The following FRY variants were observed in gnomAD, a reference collection of about 807,000 sequenced individuals.
The protein encoded by FRY is protein furry homolog.
Under a neutral mutation model 348.4 loss-of-function variants are expected in FRY, and 128 were observed. The ratio of observed to expected loss-of-function variants is 0.37; its 90% confidence interval spans 0.32 to 0.43. The LOEUF is 0.43. Among genes scored for constraint, FRY ranks in the 20% least tolerant of loss-of-function variants. The probability of loss-of-function intolerance (pLI) is 1.00; values close to 1 mark genes in which losing one functional copy is unlikely to be tolerated. For missense variants in FRY, 2,736 were observed against 3,695.2 expected, an observed-to-expected ratio of 0.74 and a Z score of 6.73; for synonymous variants, 1,370 against 1,374.7, an observed-to-expected ratio of 1.00 and a Z score of 0.08.
chr13:32,264,865 A>T (rs1372703748), intron 53 of FRY, among the ~76,000 whole-genome samples: 1 of 152,124 alleles, frequency 6.6e-6, no homozygotes, highest in Non-Finnish European at 1.5e-5. Context: ...TCAGGGAAGG[A>T]CTCTGGATCA....
intron 17 of FRY, 86 bp from the exon 18 acceptor site, chr13:32,170,926 A>G (rs191715959): frequency 2.1e-4 from 209 of 991,398 alleles, no homozygotes; most frequent in Non-Finnish European, 8.4e-5. Flanking sequence ...TAGAAGAGAT[A>G]TACATTAATA....
chr13:32,209,034 G>T lies in FRY; in HGVS notation c.4200G>T (p.Gly1400=), dbSNP rs371617026. 1.2e-6 allele frequency: 2 copies of T among 1,614,154 alleles called. No homozygotes were observed. Among genetic ancestry groups the T allele is most frequent in the Admixed American group, 3.3e-5 (2 of 60,012 alleles). The change falls in exon 32 of 61, where the codon GGG becomes GGT. Residue 1400 remains glycine (G), a synonymous_variant. Coordinates refer to ENST00000542859, the MANE Select transcript of FRY (RefSeq NM_023037.3). The part of the protein sequence containing the change: ...DREGDVTASH[G]LRGNGWGSPE... The stretch of plus-strand genomic sequence containing the variant: ...AAGGTGACGTGACTGCTTCTCACGG[G>T]CTGAGAGGAAATGGCTGGGGCTCTC...
At chr13:32,118,231 T>A (rs1878430826) in intron 4 of FRY, among the ~76,000 whole-genome samples, 1 of 151,610 alleles carries the variant, frequency 6.6e-6, no homozygotes, top group African/African-American at 2.4e-5. Flanking sequence ...TACACTTACC[T>A]TTTTTAAAAA....
At chr13:32,165,297 C>T (rs1289239791) in intron 17 of FRY, among the ~76,000 whole-genome samples, 1 of 152,222 alleles carries the variant, frequency 6.6e-6, no homozygotes, top group African/African-American at 2.4e-5. Flanking sequence ...TTCTGCTTTC[C>T]CTTTTCCACA....
At chr13:32,064,516 G>A (rs538802851) in intron 1 of FRY, among the ~76,000 whole-genome samples, 70 of 152,206 alleles carry the variant, frequency 4.6e-4, no homozygotes, top group Non-Finnish European at 9.1e-4. Context: ...TGTCAGCTGT[G>A]TGAAGCTACG....
At chr13:32,238,600 C>T (rs193180400) in intron 44 of FRY, among the ~76,000 whole-genome samples, 3 of 151,974 alleles carry the variant, frequency 2.0e-5, no homozygotes, top group Non-Finnish European at 2.9e-5. Flanking sequence ...TACAGGTGTA[C>T]GCCACCACGC....
intron 27 of FRY, 47 bp downstream of exon 27, chr13:32,186,467 C>T (rs1488430257): frequency 8.3e-7 from 1 of 1,197,794 alleles, no homozygotes. Context: ...TGGATGGTCT[C>T]TCTCGTTAAA....
intron 20 of FRY, 51 bp downstream of exon 20, chr13:32,175,683 T>C (rs762628256): frequency 9.7e-7 from 1 of 1,029,092 alleles, no homozygotes. Context: ...TCTGGACCTA[T>C]CTAAAATAGT....
At chr13:32,123,284 C>G (rs1878795402) in intron 4 of FRY, among the ~76,000 whole-genome samples, 1 of 152,192 alleles carries the variant, frequency 6.6e-6, no homozygotes, top group Admixed American at 6.5e-5. Context: ...TACCTGATTT[C>G]AAATTATACT....
At chr13:32,043,287 A>C (rs973583100) in intron 1 of FRY, among the ~76,000 whole-genome samples, 1 of 152,206 alleles carries the variant, frequency 6.6e-6, no homozygotes, top group African/African-American at 2.4e-5. Context: ...TGGGAGTACA[A>C]TTCAAGATGA....
intron 36 of FRY, among the ~76,000 whole-genome samples, chr13:32,222,193 T>C (rs1885351328): frequency 2.0e-5 from 3 of 152,122 alleles, no homozygotes; most frequent in African/African-American, 7.2e-5. Context: ...GAGCAGCAGA[T>C]ACAAGGGCCC....
intron 1 of FRY, among the ~76,000 whole-genome samples, chr13:32,063,873 C>G (rs1276500896): frequency 1.3e-5 from 2 of 152,166 alleles, no homozygotes; most frequent in Non-Finnish European, 2.9e-5. Context: ...TCTGGTAGTT[C>G]TGATGCGAGT....
Position 32,210,964 on chromosome 13 carries a change from C to T in FRY, c.4521C>T (p.Ile1507=), listed in dbSNP as rs188033309. 4.7e-4 allele frequency: 760 copies of T among 1,613,962 alleles called. No individual in the cohort carries two copies. The highest frequency in any genetic ancestry group is 6.2e-4 in the Non-Finnish European group (728 of 1,179,844). The change falls in exon 34 of 61, where the codon ATC becomes ATT. Residue 1507 remains isoleucine (I), a synonymous_variant. Coordinates refer to ENST00000542859, the MANE Select transcript of FRY (RefSeq NM_023037.3). ...ELQQTEPVNP[I]VQHCDNPPFY... is the part of the protein sequence containing the mutation. ...AGCAGACAGAGCCCGTGAACCCCAT[C>T]GTCCAGCATTGTGACAACCCGCCCT...
chr13:32,267,412 T>C, intron 55 of FRY, 53 bp downstream of exon 55: 1 of 1,480,100 alleles, frequency 6.8e-7, no homozygotes, highest in Non-Finnish European at 9.4e-7. Context: ...GGGAGCCGGG[T>C]AACTTTGAAT....
intron 58 of FRY, among the ~76,000 whole-genome samples, chr13:32,285,547 G>A (rs376646458): frequency 6.6e-5 from 10 of 152,162 alleles, no homozygotes; most frequent in African/African-American, 2.2e-4. Flanking sequence ...AGCTGGAGTC[G>A]AAAAGTTTCC....
chr13:32,225,381 G>A (rs888568121), intron 38 of FRY, among the ~76,000 whole-genome samples: 9 of 152,190 alleles, frequency 5.9e-5, no homozygotes, highest in South Asian at 2.1e-4. Context: ...GATATAGGAC[G>A]GAGTGGGCCA....
chr13:32,198,799 T>A (rs140081778), intron 29 of FRY, among the ~76,000 whole-genome samples: 2 of 152,312 alleles, frequency 1.3e-5, no homozygotes, highest in Non-Finnish European at 2.9e-5. Flanking sequence ...AGACTGTGTT[T>A]ATTTAAAAAT....
In FRY at chr13:32,249,642, C is replaced by T; in HGVS notation, c.7125C>T (p.Ser2375=). Residue 2375 remains serine (S), a synonymous_variant, in exon 49 of 61, where the codon TCC becomes TCT. Coordinates refer to ENST00000542859, the MANE Select transcript of FRY (RefSeq NM_023037.3). ...CTTCCACTTCCTCAGGCTCCAACTCCAACGTCCTTGTTCCAGTGAGCTGGA... is the reference window on the plus strand; with the variant it reads ...CTTCCACTTCCTCAGGCTCCAACTCTAACGTCCTTGTTCCAGTGAGCTGGA... ...STSSTSSGSN[S]NVLVPVSWKR... is the part of the protein sequence containing the mutation. The T allele has an allele frequency of 6.2e-7, 1 of 1,614,224 alleles. No individual in the cohort carries two copies. The highest frequency in any genetic ancestry group is 8.5e-7 in the Non-Finnish European group (1 of 1,180,042).
intron 31 of FRY, among the ~76,000 whole-genome samples, chr13:32,205,288 C>T (rs533685516): frequency 6.6e-6 from 1 of 150,770 alleles, no homozygotes; most frequent in South Asian, 2.1e-4. Flanking sequence ...GAAAAATGCT[C>T]AATGTATTAG....
Sources: gnomAD v4.1 joint callset for allele counts (sites outside exome capture counted in the v4.1 genomes callset) on GRCh38, gnomAD v4.1.1 for gene constraint, MANE v1.5 for transcripts, NCBI Gene and HGNC (gene_info 2026-07-23, HGNC 2026-07-21) for gene names.